COQ8A: variants seen among roughly 807,000 people sequenced by gnomAD.
The protein encoded by COQ8A is coenzyme Q8A, also known as atypical kinase COQ8A, mitochondrial.
A neutral mutation model predicts 65.0 loss-of-function variants in COQ8A; 51 were observed. The ratio of observed to expected loss-of-function variants is 0.78; its 90% confidence interval spans 0.63 to 0.99. The LOEUF is 0.99. Among genes scored for constraint, COQ8A ranks in the 50% least tolerant of loss-of-function variants. COQ8A has a pLI of 0.00. For synonymous variants in COQ8A, 371 were observed against 353.2 expected (o/e 1.05, Z -0.57); for missense variants, 940 against 875.0 (o/e 1.07, Z -0.94).
chr1:226,950,303 C>T (rs1380200236), intron 1 of COQ8A, among the ~76,000 whole-genome samples: 1 of 152,222 alleles, frequency 6.6e-6, no homozygotes, highest in Non-Finnish European at 1.5e-5. Flanking sequence ...ACCCAGTGCT[C>T]ACCACAGGGC....
At chr1:226,986,185 ACT>A (rs1487685953) in intron 14 of COQ8A, among the ~76,000 whole-genome samples, 1 of 144,526 alleles carries the variant, frequency 6.9e-6, no homozygotes, top group African/African-American at 2.6e-5. Flanking sequence ...TTTTGTTAAA[ACT>A]CTGTATGAGT....
chr1:226,953,174 C>T (rs943258871), intron 1 of COQ8A, among the ~76,000 whole-genome samples: 3 of 152,128 alleles, frequency 2.0e-5, no homozygotes, highest in African/African-American at 7.2e-5. Flanking sequence ...GGATTACAGG[C>T]GCATGCCACC....
chr1:226,973,398 G>A (rs1659012813), intron 4 of COQ8A, among the ~76,000 whole-genome samples: 2 of 152,216 alleles, frequency 1.3e-5, no homozygotes, highest in Non-Finnish European at 2.9e-5. Context: ...CCAAGAAGAA[G>A]CATATGGCCC....
intron 1 of COQ8A, among the ~76,000 whole-genome samples, chr1:226,956,349 C>T (rs55975703): frequency 7.2e-6 from 1 of 138,598 alleles, no homozygotes; most frequent in Non-Finnish European, 1.5e-5. Context: ...CCCTGGCTCC[C>T]ACTCTCCCTG....
At chr1:226,969,398 A>C (rs1658751638) in intron 4 of COQ8A, among the ~76,000 whole-genome samples, 1 of 152,042 alleles carries the variant, frequency 6.6e-6, no homozygotes, top group African/African-American at 2.4e-5. Context: ...TCCTGGGTTC[A>C]AGTGATTCTC....
chr1:226,963,950 G>A (rs956366869), intron 2 of COQ8A, among the ~76,000 whole-genome samples: 1 of 152,180 alleles, frequency 6.6e-6, no homozygotes, highest in African/African-American at 2.4e-5. Flanking sequence ...CAGCCAGCAG[G>A]GCCAGCCTGG....
At chr1:226,954,386 C>G (rs1416416165) in intron 1 of COQ8A, among the ~76,000 whole-genome samples, 1 of 152,268 alleles carries the variant, frequency 6.6e-6, no homozygotes, top group Non-Finnish European at 1.5e-5. Flanking sequence ...TGCTCCCCTT[C>G]CCTCTCTTCC....
Position 226,984,225 on chromosome 1 carries a change from T to C in COQ8A, c.1388T>C (p.Ile463Thr), listed in dbSNP as rs771214775. The C allele has an allele frequency of 2.5e-6, 4 of 1,613,680 alleles. No homozygotes were observed. The South Asian group carries it at 4.4e-5, about 18-fold the overall frequency. The change falls in exon 11 of 15, where the codon ATT becomes ACT. Residue 463 changes from isoleucine (I) to threonine (T), a missense_variant. Physicochemically the swap from Ile to Thr is moderately conservative, Grantham distance 89. Transcript: ENST00000366777. ...LDQAEGLSQE[I>T]RNEICYNILV... ...CAGGCCGAAGGGCTCAGCCAGGAGA[T>C]TCGGAACGAGGTTTGTCTGTGCCAG...
intron 14 of COQ8A, among the ~76,000 whole-genome samples, chr1:226,986,164 C>T (rs1660095402): frequency 6.6e-6 from 1 of 152,120 alleles, no homozygotes; most frequent in South Asian, 2.1e-4. Context: ...TTCTTTTTGG[C>T]CAGAACAGTG....
intron 10 of COQ8A, 50 bp downstream of exon 10, chr1:226,983,904 G>T: frequency 6.3e-7 from 1 of 1,588,548 alleles, no homozygotes; most frequent in South Asian, 1.1e-5. Context: ...GGAGGCAGAA[G>T]GGACCATGTT....
rs1046215592 is a variant in COQ8A at position 226,986,847 on chromosome 1, G to A, written c.*110G>A. ...TCTTTTTAACTCCTTTGCCCAATAA[G>A]GGGGGTGGCTGCCTGGAGCCCCGTA... On this transcript the variant is annotated 3_prime_UTR_variant, in exon 15 of 15. Transcript: ENST00000366777. 20 of 1,387,588 alleles carry A rather than the reference G, an allele frequency of 1.4e-5. No individual in the cohort carries two copies. The Middle Eastern group carries it at 9.7e-4, about 67-fold the overall frequency. 86.0% of individuals were successfully genotyped at this position (1,387,588 alleles called of 1,614,324 possible). A position where few individuals can be genotyped will look rare whatever the true frequency, so the allele number is the denominator to read the frequency against.
intron 1 of COQ8A, among the ~76,000 whole-genome samples, chr1:226,947,822 T>A (rs1013145592): frequency 1.3e-5 from 2 of 151,978 alleles, no homozygotes; most frequent in South Asian, 4.1e-4. Flanking sequence ...TATATATCTA[T>A]CTGCCTGGCA....
intron 1 of COQ8A, chr1:226,957,946 T>C (rs1272715421): frequency 6.6e-6 from 1 of 152,188 alleles, no homozygotes; most frequent in Admixed American, 6.5e-5. Flanking sequence ...CACCCTCCTG[T>C]GGTGGGAACA....
Position 226,986,068 on chromosome 1 carries a change from C to T in COQ8A, c.1660-385C>T, listed in dbSNP as rs867549111. On this transcript the variant is annotated intron_variant, in intron 14 of 14. Transcript: ENST00000366777. ...TTGCTAGTTCCCGTGGGCAGACACA[C>T]GGCTGCTGGGTGTGTCTTGGGTGGA... Among the ~76,000 whole-genome samples the T allele has an allele frequency of 1.2e-4, 18 of 152,218 alleles. 1 individual carries two copies. Among genetic ancestry groups the T allele is most frequent in the Admixed American group, 2.6e-4 (4 of 15,290 alleles).
At chr1:226,962,154 C>A (rs893963941) in intron 2 of COQ8A, among the ~76,000 whole-genome samples, 11 of 152,226 alleles carry the variant, frequency 7.2e-5, no homozygotes, top group African/African-American at 2.7e-4. Context: ...GCTGAGCCTC[C>A]GCCAAGGCCT....
rs1659835655 is a variant in COQ8A, at chr1:226,983,372, A to G, written c.1081-180A>G. On this transcript the variant is annotated intron_variant, in intron 8 of 14. Coordinates refer to ENST00000366777, the MANE Select transcript of COQ8A (RefSeq NM_020247.5). ...TGAGGTGAGGCAGGAGTAGGTGGAC[A>G]ACGAGGCTGTGATGGGGTCCAGGTC... is the stretch of plus-strand genomic sequence containing the variant. 24 of 693,486 alleles carry G rather than the reference A, an allele frequency of 3.5e-5. No homozygotes were observed. The South Asian group carries it at 4.0e-4, about 12-fold the overall frequency. The allele number at this position is 693,486 out of a possible 1,614,324, so 43.0% of individuals were successfully genotyped here.
intron 1 of COQ8A, among the ~76,000 whole-genome samples, chr1:226,960,308 TGGC>T (rs1344733816): frequency 1.7e-4 from 22 of 130,594 alleles, no homozygotes; most frequent in Middle Eastern, 4.2e-3. Context: ...TTGGTGGTGG[TGGC>T]GGTACTTGGT....
chr1:226,978,039 C>G (rs1342864903), intron 5 of COQ8A, among the ~76,000 whole-genome samples: 1 of 147,514 alleles, frequency 6.8e-6, no homozygotes, highest in African/African-American at 2.5e-5. Context: ...AGACCTTACA[C>G]ACCCCTTGCA....
intron 4 of COQ8A, among the ~76,000 whole-genome samples, chr1:226,976,096 G>C (rs1572062925): frequency 6.6e-6 from 1 of 151,192 alleles, no homozygotes; most frequent in Non-Finnish European, 1.5e-5. Context: ...GTCTGACTGC[G>C]GGGCTGTGGG....
Sources: allele counts gnomAD v4.1 joint callset (sites outside exome capture counted in the v4.1 genomes callset), GRCh38; gene constraint gnomAD v4.1.1; transcripts MANE v1.5; gene names NCBI Gene and HGNC (gene_info 2026-07-23, HGNC 2026-07-21).